ARHGAP44: variants seen among roughly 807,000 people sequenced by gnomAD.
ARHGAP44 encodes rho GTPase-activating protein 44.
A neutral mutation model predicts 106.8 loss-of-function variants in ARHGAP44; 43 were observed. The observed-to-expected ratio is 0.40, with a 90% CI of 0.32 to 0.52. The LOEUF is 0.52. ARHGAP44 is among the 20% of genes least tolerant of loss of function. The pLI, the probability that ARHGAP44 is intolerant of heterozygous loss-of-function variation, is 0.48. For missense variants in ARHGAP44, 866 were observed against 1,050.5 expected, an observed-to-expected ratio of 0.82 and a Z score of 2.43; for synonymous variants, 439 against 410.3, an observed-to-expected ratio of 1.07 and a Z score of -0.85.
intron 5 of ARHGAP44, among the ~76,000 whole-genome samples, chr17:12,918,661 T>C (rs2037986105): frequency 1.3e-5 from 2 of 152,060 alleles, no homozygotes; most frequent in African/African-American, 2.4e-5. Context: ...TTTATAAATA[T>C]AGAATCTGTA....
At chr17:12,955,808 C>CG (rs3214256) in intron 13 of ARHGAP44, 59 bp from the exon 14 acceptor site, 247,767 of 1,041,952 alleles carry the variant, frequency 0.24, 31,942 homozygotes, top group East Asian at 0.45. Context: ...GTCCAGTCCC[C>CG]GGGGGACATG....
chr17:12,892,793 GTT>G (rs142814685), intron 1 of ARHGAP44, among the ~76,000 whole-genome samples: 14 of 135,220 alleles, frequency 1.0e-4, no homozygotes, highest in African/African-American at 2.0e-4. Context: ...CATCAACTGA[GTT>G]TTTTTTTTTT....
Position 12,949,695 on chromosome 17 carries a change from C to G in ARHGAP44, c.1020C>G (p.Thr340=). The change falls in exon 12 of 21, where the codon ACC becomes ACG. Residue 340 remains threonine (T), a synonymous_variant. Transcript: ENST00000379672. This position sits in a 1 kb window ranked among gnomAD's most constrained non-coding sequence, Gnocchi z 4.1. ...GAGAGTTGCCAGAACCTCTTATGAC[C>G]TTTGAACTCTATGATGAGTGGATCC... The part of the protein sequence containing the change: ...YLRELPEPLM[T]FELYDEWIQA... 1 of 1,613,812 alleles carries G rather than the reference C, an allele frequency of 6.2e-7. No homozygotes were observed. Among genetic ancestry groups the G allele is most frequent in the Non-Finnish European group, 8.5e-7 (1 of 1,179,844 alleles).
In ARHGAP44 at chr17:12,944,102, C is replaced by T. The variant is rs775899966; in HGVS notation, c.767C>T (p.Pro256Leu). 1.6e-5 allele frequency: 26 copies of T among 1,612,630 alleles called. No individual in the cohort carries two copies. The highest frequency in any genetic ancestry group is 6.6e-5 in the South Asian group (6 of 90,968). The change falls in exon 10 of 21, where the codon CCG becomes CTG. Residue 256 changes from proline (P) to leucine (L), a missense_variant. Pro to Leu is a moderately conservative substitution (Grantham distance 98). Around this residue, in one of 2 missense-constraint regions of ARHGAP44, gnomAD observed 448 missense variants for 646.9 expected, o/e 0.69. Transcript: ENST00000379672. ...GTAGAGAAGCCTTCCTTCGGGAAGC[C>T]GCTGGAGGAGCACCTCACCATCAGC... ...AWVEKPSFGKPLEEHLTISGR... is the reference protein window; with the variant it reads ...AWVEKPSFGKLLEEHLTISGR...
intron 6 of ARHGAP44, among the ~76,000 whole-genome samples, chr17:12,926,457 T>C (rs1268588743): frequency 8.6e-6 from 1 of 116,778 alleles, no homozygotes; most frequent in African/African-American, 3.0e-5. Context: ...ATAATATATA[T>C]ACATATATAA....
chr17:12,804,158 T>C (rs1180473119), intron 1 of ARHGAP44, among the ~76,000 whole-genome samples: 1 of 152,170 alleles, frequency 6.6e-6, no homozygotes, highest in African/African-American at 2.4e-5. Flanking sequence ...TTTGCAGCAA[T>C]TAGGGTGATT....
intron 7 of ARHGAP44, among the ~76,000 whole-genome samples, chr17:12,929,557 A>G (rs951302288): frequency 7.2e-5 from 11 of 152,214 alleles, no homozygotes; most frequent in Non-Finnish European, 7.3e-5. Context: ...ACTTGTTAAG[A>G]GAGAGGACAT....
rs1483752780 is a variant in ARHGAP44 at position 12,946,084 on chromosome 17, A to G, written c.861+1888A>G. On this transcript the variant is annotated intron_variant, in intron 10 of 20. Transcript: ENST00000379672. ...TCAATTTAAAACCGAAAAGGTCTCT[A>G]CCATCCCTGAGAGAGAGTTTCATGG... Among the ~76,000 whole-genome samples, 6 of 152,196 alleles carry G rather than the reference A, an allele frequency of 3.9e-5. No homozygotes were observed. In the East Asian group the frequency reaches 5.8e-4, roughly 15 times the overall value.
intron 6 of ARHGAP44, among the ~76,000 whole-genome samples, chr17:12,927,597 AGT>A (rs1467628883): frequency 6.6e-6 from 1 of 152,124 alleles, no homozygotes; most frequent in African/African-American, 2.4e-5. Flanking sequence ...CACTTGGGAG[AGT>A]TCACATAACA....
At position 12,868,571 on chromosome 17, in the gene ARHGAP44, A is replaced by T. The variant is rs1160003538; in HGVS notation, c.54-26369A>T. Among the ~76,000 whole-genome samples the T allele has an allele frequency of 1.9e-4, 23 of 122,842 alleles. 2 individuals carry two copies. Among genetic ancestry groups the T allele is most frequent in the Admixed American group, 3.6e-4 (4 of 11,132 alleles). The allele number at this position is 122,842 out of a possible 152,430, so 80.6% of individuals were successfully genotyped here. A position where few individuals can be genotyped will look rare whatever the true frequency, so the allele number is the denominator to read the frequency against. ...GGCTAAAAAGCCAAAAAGTCATTTA[A>T]AAAGTCATATATATGCATTTTATAT... On this transcript the variant is annotated intron_variant, in intron 1 of 20. Transcript: ENST00000379672.
intron 18 of ARHGAP44, among the ~76,000 whole-genome samples, chr17:12,978,106 TG>T (rs2039740450): frequency 6.7e-6 from 1 of 149,042 alleles, no homozygotes; most frequent in African/African-American, 2.5e-5. Flanking sequence ...CTAGATTCCT[TG>T]GATAGATGTG....
intron 7 of ARHGAP44, among the ~76,000 whole-genome samples, chr17:12,935,764 G>A (rs951288511): frequency 2.0e-5 from 3 of 152,138 alleles, no homozygotes; most frequent in African/African-American, 7.2e-5. Flanking sequence ...AGCCAATGAT[G>A]TAGAGAAAAA....
In ARHGAP44 at chr17:12,919,675, C is replaced by G. The variant is rs868162792; in HGVS notation, c.388-80C>G. On this transcript the variant is annotated intron_variant, in intron 5 of 20. Coordinates refer to ENST00000379672, the MANE Select transcript of ARHGAP44 (RefSeq NM_014859.6). ...TGCTGGGATTAGAGGCATGAGCCACCGCGCCTGGCCAGGAATGGTTCCTAA... is the reference window on the plus strand; with the variant it reads ...TGCTGGGATTAGAGGCATGAGCCACGGCGCCTGGCCAGGAATGGTTCCTAA... 44 of 1,300,244 alleles carry G rather than the reference C, an allele frequency of 3.4e-5. 1 individual carries two copies. In the African/African-American group the frequency reaches 3.4e-4, roughly 10 times the overall value. The allele number at this position is 1,300,244 out of a possible 1,614,324, so 80.5% of individuals were successfully genotyped here.
intron 1 of ARHGAP44, among the ~76,000 whole-genome samples, chr17:12,862,639 G>A (rs775532573): frequency 9.2e-5 from 14 of 152,074 alleles, no homozygotes; most frequent in Non-Finnish European, 1.5e-4. Flanking sequence ...GAGTGTTCTT[G>A]GTATCTACAT....
intron 6 of ARHGAP44, among the ~76,000 whole-genome samples, chr17:12,924,640 G>A (rs1053130688): frequency 6.6e-6 from 1 of 152,262 alleles, no homozygotes; most frequent in Middle Eastern, 3.4e-3. Context: ...AGGTTCTTTA[G>A]GAGAACCTTA....
chr17:12,861,653 T>TTTTTTTTTTTTTTTTTTTTTTTGAA (rs755400921), intron 1 of ARHGAP44, among the ~76,000 whole-genome samples: 1 of 59,146 alleles, frequency 1.7e-5, no homozygotes, highest in Non-Finnish European at 3.7e-5. Context: ...ACTTTTTTTT[T>TTTTTTTTTTTTTTTTTTTTTTTGAA]TTTTTGAGAT....
chr17:12,878,602 C>A (rs953655428), intron 1 of ARHGAP44, among the ~76,000 whole-genome samples: 2 of 152,182 alleles, frequency 1.3e-5, no homozygotes, highest in African/African-American at 4.8e-5. Flanking sequence ...AAAATACCAG[C>A]CTTCCTAAAA....
intron 1 of ARHGAP44, among the ~76,000 whole-genome samples, chr17:12,867,070 G>A (rs2036256725): frequency 6.6e-6 from 1 of 151,456 alleles, no homozygotes; most frequent in African/African-American, 2.4e-5. Flanking sequence ...TTTGGAGATT[G>A]ATTGAGTCAT....
chr17:12,941,562 C>T (rs1264308993), intron 8 of ARHGAP44, among the ~76,000 whole-genome samples: 1 of 152,172 alleles, frequency 6.6e-6, no homozygotes, highest in African/African-American at 2.4e-5. Flanking sequence ...CATTAAGAAA[C>T]TGTGGTCTGT....
Sources: allele counts gnomAD v4.1 joint callset (sites outside exome capture counted in the v4.1 genomes callset), GRCh38; gene constraint gnomAD v4.1.1; regional missense constraint gnomAD v4.1.1; non-coding constraint Gnocchi (gnomAD v3.1); transcripts MANE v1.5; gene names NCBI Gene and HGNC (gene_info 2026-07-23, HGNC 2026-07-21).